The following CNTNAP2 variants were observed in gnomAD, a reference collection of about 807,000 sequenced individuals.
CNTNAP2 encodes contactin-associated protein-like 2.
CNTNAP2 carries 98 observed loss-of-function variants against 155.2 expected under a neutral mutation model. The ratio of observed to expected loss-of-function variants is 0.63; its 90% CI spans 0.54 to 0.75. The LOEUF is 0.75. Ranked by LOEUF, CNTNAP2 falls within the 30% of genes least tolerant of loss-of-function variation. The pLI is 0.00. For synonymous variants in CNTNAP2, 651 were observed against 631.2 expected (o/e 1.03, Z -0.47); for missense variants, 1,727 against 1,688.1 (o/e 1.02, Z -0.40).
intron 13 of CNTNAP2, among the ~76,000 whole-genome samples, chr7:147,677,278 A>C (rs1486108892): frequency 6.6e-6 from 1 of 151,846 alleles, no homozygotes; most frequent in African/African-American, 2.4e-5. Flanking sequence ...GCATTTTTTC[A>C]TATAGCTATT....
At chr7:146,139,334 A>T (rs1018513496) in intron 1 of CNTNAP2, among the ~76,000 whole-genome samples, 3 of 152,162 alleles carry the variant, frequency 2.0e-5, no homozygotes, top group African/African-American at 7.2e-5. Flanking sequence ...TGCTATTTTA[A>T]TTATGATTGC....
At chr7:146,134,106 G>C (rs1797759852) in intron 1 of CNTNAP2, among the ~76,000 whole-genome samples, 1 of 150,166 alleles carries the variant, frequency 6.7e-6, no homozygotes. Flanking sequence ...GTGGTTTGTA[G>C]TTCTCCTTGA....
rs187513937 is a variant in CNTNAP2 at position 146,667,481 on chromosome 7, T to C, written c.98-106790T>C. The stretch of plus-strand genomic sequence containing the variant: ...TGGGTCTTTTGTGGTTTCATACAAA[T>C]TTTAGGATTTTTTTTCTATTTCTGT... On this transcript the variant is annotated intron_variant, in intron 1 of 23. Coordinates refer to ENST00000361727, the MANE Select transcript of CNTNAP2 (RefSeq NM_014141.6). Among the ~76,000 whole-genome samples the C allele has an allele frequency of 3.0e-4, 44 of 148,268 alleles. No individual in the cohort carries two copies. The East Asian group carries it at 7.9e-3, about 26-fold the overall frequency.
chr7:147,254,631 T>C, intron 8 of CNTNAP2, among the ~76,000 whole-genome samples: 1 of 152,198 alleles, frequency 6.6e-6, no homozygotes, highest in East Asian at 1.9e-4. Flanking sequence ...GTTTTGGTTA[T>C]ATATGGGAAA....
intron 8 of CNTNAP2, among the ~76,000 whole-genome samples, chr7:147,202,858 A>AT (rs1802950180): frequency 3.6e-5 from 5 of 139,460 alleles, no homozygotes; most frequent in African/African-American, 1.3e-4. Context: ...AATTAAAAAA[A>AT]AATATATATA....
chr7:146,386,098 C>T (rs2129105791), intron 1 of CNTNAP2, among the ~76,000 whole-genome samples: 1 of 152,232 alleles, frequency 6.6e-6, no homozygotes, highest in African/African-American at 2.4e-5. Context: ...ATAGCTTTCA[C>T]TTTCTTAGCT....
At chr7:148,268,516 G>A (rs977230562) in intron 21 of CNTNAP2, among the ~76,000 whole-genome samples, 3 of 152,018 alleles carry the variant, frequency 2.0e-5, no homozygotes, top group Non-Finnish European at 2.9e-5. Context: ...TTAGACGGGC[G>A]TGGTGGTGGG....
At chr7:146,173,796 C>T (rs1429289774) in intron 1 of CNTNAP2, among the ~76,000 whole-genome samples, 1 of 152,166 alleles carries the variant, frequency 6.6e-6, no homozygotes, top group African/African-American at 2.4e-5. Flanking sequence ...TAGTTGAAAA[C>T]AGATGATGAG....
intron 1 of CNTNAP2, among the ~76,000 whole-genome samples, chr7:146,587,842 T>C (rs996557832): frequency 2.6e-5 from 4 of 152,152 alleles, no homozygotes; most frequent in East Asian, 1.9e-4. Context: ...GCCTGGCTAA[T>C]TTTTATGTTT....
intron 8 of CNTNAP2, among the ~76,000 whole-genome samples, chr7:147,173,432 G>A (rs1802271617): frequency 6.6e-6 from 1 of 152,036 alleles, no homozygotes; most frequent in South Asian, 2.1e-4. Flanking sequence ...TCCAGAACTA[G>A]TACTGACTTT....
At chr7:146,309,917 A>G (rs571637535) in intron 1 of CNTNAP2, among the ~76,000 whole-genome samples, 1 of 152,200 alleles carries the variant, frequency 6.6e-6, no homozygotes, top group East Asian at 1.9e-4. Context: ...AAAAAGGGGG[A>G]ATAGAATTTA....
At chr7:147,688,401 T>A (rs761733229) in intron 13 of CNTNAP2, among the ~76,000 whole-genome samples, 1 of 152,170 alleles carries the variant, frequency 6.6e-6, no homozygotes, top group Non-Finnish European at 1.5e-5. Flanking sequence ...CAAGCATGCA[T>A]GCTAACTTCA....
At chr7:147,110,155 C>T (rs2129280015) in intron 5 of CNTNAP2, among the ~76,000 whole-genome samples, 1 of 152,142 alleles carries the variant, frequency 6.6e-6, no homozygotes, top group East Asian at 1.9e-4. Flanking sequence ...AAACTCCTGA[C>T]CTCAAATGAT....
chr7:146,158,180 G>A (rs1040730480), intron 1 of CNTNAP2, among the ~76,000 whole-genome samples: 3 of 152,192 alleles, frequency 2.0e-5, no homozygotes, highest in Admixed American at 6.5e-5. Flanking sequence ...GGTCCTGACT[G>A]TTAGAAAGAA....
At chr7:148,206,822 A>C (rs1795458312) in intron 18 of CNTNAP2, among the ~76,000 whole-genome samples, 1 of 152,132 alleles carries the variant, frequency 6.6e-6, no homozygotes, top group African/African-American at 2.4e-5. Flanking sequence ...TGCTGTTTCC[A>C]GTACTTGGAG....
intron 1 of CNTNAP2, among the ~76,000 whole-genome samples, chr7:146,243,776 T>C (rs1170536050): frequency 6.6e-6 from 1 of 152,078 alleles, no homozygotes; most frequent in Non-Finnish European, 1.5e-5. Flanking sequence ...CTAAGTGAGA[T>C]TACAGAGGAA....
chr7:146,344,403 T>C (rs1448192414), intron 1 of CNTNAP2, among the ~76,000 whole-genome samples: 2 of 152,180 alleles, frequency 1.3e-5, no homozygotes, highest in East Asian at 3.8e-4. Flanking sequence ...TATCTTAAAA[T>C]GATATTTCAA....
rs147039147 is a variant in CNTNAP2, at chr7:147,942,127, C to T, written c.2256-35735C>T. Among the ~76,000 whole-genome samples the T allele has an allele frequency of 5.0e-3, 761 of 152,278 alleles. 3 individuals carry two copies. Among genetic ancestry groups the T allele is most frequent in the Non-Finnish European group, 7.7e-3 (527 of 68,014 alleles). On this transcript the variant is annotated intron_variant, in intron 14 of 23. Transcript: ENST00000361727. ...GGTTCTTTATGTCCTTAGTGTTTGG[C>T]AGGGCTCACATCAGGTCTAGAAAAG...
At chr7:146,928,278 TCTTTA>T (rs1796651598) in intron 3 of CNTNAP2, among the ~76,000 whole-genome samples, 1 of 152,212 alleles carries the variant, frequency 6.6e-6, no homozygotes, top group African/African-American at 2.4e-5. Flanking sequence ...TTTAAGTTCC[TCTTTA>T]CTTACTAACA....
Sources: allele counts gnomAD v4.1 joint callset (sites outside exome capture counted in the v4.1 genomes callset), GRCh38; gene constraint gnomAD v4.1.1; transcripts MANE v1.5; gene names NCBI Gene and HGNC (gene_info 2026-07-23, HGNC 2026-07-21).